The following TNS1 variants were observed in gnomAD, a reference collection of about 807,000 sequenced individuals.
The protein encoded by TNS1 is tensin 1, also known as tensin-1.
In TNS1, 62 loss-of-function variants were observed where a neutral mutation model predicts 168.6. The observed-to-expected ratio is 0.37, with a 90% CI of 0.30 to 0.45. The LOEUF is 0.45. TNS1 is among the 20% of genes least tolerant of loss of function. The probability of loss-of-function intolerance (pLI) is 1.00; values close to 1 mark genes in which losing one functional copy is unlikely to be tolerated. For synonymous variants in TNS1, 934 were observed against 933.2 expected, an observed-to-expected ratio of 1.00 and a Z score of -0.02; for missense variants, 2,240 against 2,339.4, an observed-to-expected ratio of 0.96 and a Z score of 0.88.
intron 1 of TNS1, among the ~76,000 whole-genome samples, chr2:217,996,223 G>A (rs1375633116): frequency 6.6e-6 from 1 of 152,194 alleles, no homozygotes; most frequent in Non-Finnish European, 1.5e-5. Flanking sequence ...GATGATGTGG[G>A]GAGAGGGCCA....
intron 18 of TNS1, among the ~76,000 whole-genome samples, chr2:217,856,651 T>A (rs2125502343): frequency 6.6e-6 from 1 of 152,164 alleles, no homozygotes; most frequent in South Asian, 2.1e-4. Flanking sequence ...CCAGGAGACT[T>A]AGGTGCACGT....
chr2:217,881,100 C>T, intron 17 of TNS1, 86 bp from the exon 18 acceptor site: 6 of 960,918 alleles, frequency 6.2e-6, no homozygotes, highest in Non-Finnish European at 9.8e-6. Flanking sequence ...CAGAGAAAGC[C>T]CACAAGCTCC....
In TNS1 at chr2:217,818,534, A is replaced by T. The variant is rs2571442; in HGVS notation, c.3798T>A (p.Ala1266=). The change falls in exon 24 of 33, where the codon GCT becomes GCA. Residue 1266 remains alanine, a synonymous_variant. Coordinates refer to ENST00000682258, the MANE Select transcript of TNS1 (RefSeq NM_001387777.1). ...CGCCAGCCACACTGAACTGAGCTCG[A>T]GCCTGGCTTTCCGGAGAGGAGCTGA... ...QHFSSSPESQ[A]RAQFSVAGVH... 1 of 1,614,020 alleles carries T rather than the reference A, an allele frequency of 6.2e-7. No homozygotes were observed. The highest frequency in any genetic ancestry group is 2.2e-5 in the East Asian group (1 of 44,868).
chr2:217,882,268 C>A (rs1950754840), intron 17 of TNS1, 78 bp downstream of exon 17: 1 of 1,012,948 alleles, frequency 9.9e-7, no homozygotes, highest in African/African-American at 1.6e-5. Flanking sequence ...GTGGAACAGA[C>A]CAGGGGTGGA....
At chr2:217,937,474 C>A (rs1186667031) in intron 3 of TNS1, among the ~76,000 whole-genome samples, 1 of 152,154 alleles carries the variant, frequency 6.6e-6, no homozygotes, top group Non-Finnish European at 1.5e-5. Flanking sequence ...CCCATGCCAG[C>A]CCCCCTTCCT....
intron 18 of TNS1, among the ~76,000 whole-genome samples, chr2:217,871,240 A>G (rs1949747046): frequency 6.6e-6 from 1 of 152,178 alleles, no homozygotes; most frequent in South Asian, 2.1e-4. Context: ...CCTTTGTCCT[A>G]TATGATGTGA....
At chr2:217,863,118 C>T (rs951767377) in intron 18 of TNS1, among the ~76,000 whole-genome samples, 3 of 152,208 alleles carry the variant, frequency 2.0e-5, no homozygotes, top group African/African-American at 7.2e-5. Flanking sequence ...ACATTCCTGG[C>T]CTGGCTCTTT....
chr2:217,977,919 T>C (rs1957935567), intron 3 of TNS1, among the ~76,000 whole-genome samples: 1 of 152,134 alleles, frequency 6.6e-6, no homozygotes, highest in Non-Finnish European at 1.5e-5. Context: ...GGTGCAGACA[T>C]TGGCTGCAAG....
chr2:217,955,091 G>A (rs1359097833), intron 3 of TNS1, among the ~76,000 whole-genome samples: 1 of 152,190 alleles, frequency 6.6e-6, no homozygotes, highest in Non-Finnish European at 1.5e-5. Context: ...ATAGTCCCCA[G>A]GGGGTTACTC....
At chr2:217,964,461 C>T (rs1378226208) in intron 3 of TNS1, among the ~76,000 whole-genome samples, 2 of 152,240 alleles carry the variant, frequency 1.3e-5, no homozygotes, top group Admixed American at 6.5e-5. Context: ...GTCCTGGTTC[C>T]ACCACCTTAC....
rs140195886 is a variant in TNS1, at chr2:217,946,064, C to G, written c.187-25828G>C. On this transcript the variant is annotated intron_variant, in intron 3 of 32. Coordinates refer to ENST00000682258, the MANE Select transcript of TNS1 (RefSeq NM_001387777.1). Reference sequence around the variant, plus strand: ...CCCAGCTCCCCACTGCCTGCTACTTCCAGTCCAAGCTCTGCAGTGGAACAT... The same window carrying G: ...CCCAGCTCCCCACTGCCTGCTACTTGCAGTCCAAGCTCTGCAGTGGAACAT... 6.4e-3 allele frequency among the ~76,000 whole-genome samples: 971 copies of G among 152,336 alleles called. 11 individuals carry two copies. The highest frequency in any genetic ancestry group is 0.022 in the African/African-American group (927 of 41,568).
chr2:217,897,650 A>G, intron 8 of TNS1, 148 bp downstream of exon 8: 2 of 833,948 alleles, frequency 2.4e-6, no homozygotes, highest in Non-Finnish European at 3.7e-6. Flanking sequence ...CTCAGGCACG[A>G]GAGCTGCCTG....
At chr2:218,024,874 A>AG (rs1381557548) in intron 1 of TNS1, among the ~76,000 whole-genome samples, 1 of 152,156 alleles carries the variant, frequency 6.6e-6, no homozygotes, top group African/African-American at 2.4e-5. Context: ...AGAAACGGGG[A>AG]GGGGAACAGA....
intron 4 of TNS1, among the ~76,000 whole-genome samples, chr2:217,910,677 C>T (rs1295764803): frequency 2.7e-5 from 4 of 150,272 alleles, no homozygotes; most frequent in African/African-American, 9.8e-5. Flanking sequence ...TCACTCCATT[C>T]CTGGCCAGGA....
At chr2:217,923,098 C>A (rs1467275728) in intron 3 of TNS1, among the ~76,000 whole-genome samples, 1 of 152,206 alleles carries the variant, frequency 6.6e-6, no homozygotes, top group Non-Finnish European at 1.5e-5. Flanking sequence ...GTCCTGGAGT[C>A]CCCAGGGGGC....
At chr2:217,823,206 T>G (rs575818246) in intron 22 of TNS1, among the ~76,000 whole-genome samples, 9 of 152,240 alleles carry the variant, frequency 5.9e-5, no homozygotes, top group African/African-American at 2.2e-4. Flanking sequence ...ATAGTAAATA[T>G]CTTAGGCTGT....
intron 18 of TNS1, among the ~76,000 whole-genome samples, chr2:217,864,375 C>T (rs1034883567): frequency 6.6e-5 from 10 of 152,204 alleles, no homozygotes; most frequent in African/African-American, 2.4e-4. Flanking sequence ...CTTGGTTCCA[C>T]AACTGCCTTT....
At chr2:217,815,060 C>T in intron 24 of TNS1, 62 bp from the exon 25 acceptor site, 1 of 1,365,930 alleles carries the variant, frequency 7.3e-7, no homozygotes, top group Non-Finnish European at 1.0e-6. Context: ...AAACATACAT[C>T]AAAGTCCTGG....
At chr2:218,011,838 A>G (rs929467057), upstream of TNS1, among the ~76,000 whole-genome samples, 1 of 152,180 alleles carries the variant, frequency 6.6e-6, no homozygotes, top group African/African-American at 2.4e-5. Flanking sequence ...GCGAGTGGAT[A>G]GAGACGGGGG....
Sources: allele counts gnomAD v4.1 joint callset (sites outside exome capture counted in the v4.1 genomes callset), GRCh38; gene constraint gnomAD v4.1.1; transcripts MANE v1.5; gene names NCBI Gene and HGNC (gene_info 2026-07-23, HGNC 2026-07-21).